The following EGFLAM variants were observed in gnomAD, a reference collection of about 807,000 sequenced individuals.
The protein encoded by EGFLAM is EGF like, fibronectin type III and laminin G domains, also known as pikachurin.
A neutral mutation model predicts 113.1 loss-of-function variants in EGFLAM; 79 were observed. The observed-to-expected ratio is 0.70, with a 90% CI of 0.58 to 0.84. The LOEUF is 0.84. Among genes scored for constraint, EGFLAM ranks in the 40% least tolerant of loss-of-function variants. The probability of loss-of-function intolerance (pLI) is 0.00; values close to 1 mark genes in which losing one functional copy is unlikely to be tolerated. For synonymous variants in EGFLAM, 504 were observed against 487.6 expected, an observed-to-expected ratio of 1.03 and a Z score of -0.44; for missense variants, 1,265 against 1,291.6, an observed-to-expected ratio of 0.98 and a Z score of 0.32.
intron 1 of EGFLAM, among the ~76,000 whole-genome samples, chr5:38,325,911 T>G (rs1036519195): frequency 1.3e-5 from 2 of 151,968 alleles, no homozygotes; most frequent in East Asian, 3.8e-4. Flanking sequence ...ACCTGAAAAT[T>G]AAAATTATAA....
chr5:38,322,084 C>T (rs1738758331), intron 1 of EGFLAM, among the ~76,000 whole-genome samples: 1 of 152,170 alleles, frequency 6.6e-6, no homozygotes, highest in African/African-American at 2.4e-5. Flanking sequence ...CCCTGGTCTG[C>T]CCCAGGCCTC....
intron 5 of EGFLAM, among the ~76,000 whole-genome samples, chr5:38,368,358 C>G (rs1740118846): frequency 6.6e-6 from 1 of 152,204 alleles, no homozygotes; most frequent in Non-Finnish European, 1.5e-5. Context: ...CCTGCTTCCT[C>G]CATGGGCATA....
chr5:38,309,141 G>T (rs997226000), intron 1 of EGFLAM, among the ~76,000 whole-genome samples: 4 of 152,138 alleles, frequency 2.6e-5, no homozygotes, highest in Non-Finnish European at 5.9e-5. Context: ...CTACATTTTT[G>T]TGTTGTCTGT....
At chr5:38,322,411 G>T (rs1195294440) in intron 1 of EGFLAM, among the ~76,000 whole-genome samples, 1 of 152,200 alleles carries the variant, frequency 6.6e-6, no homozygotes, top group Non-Finnish European at 1.5e-5. Context: ...CGCTCATGGG[G>T]AGAGGTGTGG....
intron 1 of EGFLAM, among the ~76,000 whole-genome samples, chr5:38,294,665 A>AG (rs1758411627): frequency 6.6e-6 from 1 of 152,206 alleles, no homozygotes; most frequent in Non-Finnish European, 1.5e-5. Context: ...TGTTAAAAAA[A>AG]AAATTAGAAA....
At chr5:38,413,358 G>A (rs561066423) in intron 11 of EGFLAM, among the ~76,000 whole-genome samples, 33 of 152,064 alleles carry the variant, frequency 2.2e-4, no homozygotes, top group African/African-American at 6.8e-4. Context: ...CAAACACAAA[G>A]CTTGCTTTTA....
chr5:38,462,474 T>A (rs1372511490), intron 20 of EGFLAM: 1 of 168,334 alleles, frequency 5.9e-6, no homozygotes, highest in African/African-American at 2.4e-5. Flanking sequence ...GCTCTTTCTC[T>A]TTGCTGTTGT....
chr5:38,418,289 A>G (rs746372412), intron 12 of EGFLAM, 34 bp downstream of exon 12: 2 of 1,608,730 alleles, frequency 1.2e-6, no homozygotes, highest in East Asian at 4.5e-5. Context: ...GGGTACTCTT[A>G]TGGGACTTAT....
chr5:38,337,734 G>T lies in EGFLAM; in HGVS notation c.207+105G>T, dbSNP rs1037528983. 4.2e-5 allele frequency: 38 copies of T among 906,766 alleles called. No homozygotes were observed. The East Asian group carries it at 9.9e-4, about 24-fold the overall frequency. 56.2% of individuals were successfully genotyped at this position (906,766 alleles called of 1,614,324 possible). On this transcript the variant is annotated intron_variant, in intron 2 of 21. Transcript: ENST00000322350. ...TATCTGTCCTTCCATATCAATAACT[G>T]CCCCATTCTCCCTCCATAAAGCTAG...
intron 1 of EGFLAM, among the ~76,000 whole-genome samples, chr5:38,295,425 T>A (rs1435468760): frequency 6.6e-6 from 1 of 152,208 alleles, no homozygotes; most frequent in Non-Finnish European, 1.5e-5. Context: ...AAAAAGTTTT[T>A]AAAAATATGG....
Position 38,448,111 on chromosome 5 carries a change from G to A in EGFLAM, c.2465-190G>A, listed in dbSNP as rs539425959. On this transcript the variant is annotated intron_variant, in intron 17 of 21. Transcript: ENST00000322350. ...TTCCCCAGGAGGGAAAAATGGGGGA[G>A]AAGCCAACCCCAGGCCATGGGGTTG... is the stretch of plus-strand genomic sequence containing the variant. 6.5e-6 allele frequency: 4 copies of A among 614,378 alleles called. No homozygotes were observed. In the African/African-American group the frequency reaches 7.3e-5, roughly 11 times the overall value. The allele number at this position is 614,378 out of a possible 1,614,324, so 38.1% of individuals were successfully genotyped here. A position where few individuals can be genotyped will look rare whatever the true frequency, so the allele number is the denominator to read the frequency against.
At position 38,463,022 on chromosome 5, in the gene EGFLAM, G is replaced by A. The variant is rs375920608; in HGVS notation, c.2875+11G>A. The A allele has an allele frequency of 2.6e-5, 41 of 1,607,242 alleles. No individual in the cohort carries two copies. Among genetic ancestry groups the A allele is most frequent in the South Asian group, 1.0e-4 (9 of 90,202 alleles). On this transcript the variant is annotated intron_variant, in intron 21 of 21. Transcript: ENST00000322350. ...GAGCTCTGTATGTGGGTAAGTGACC[G>A]ACCCTCGACCAAAGCAAAATTAGGC... is the stretch of plus-strand genomic sequence containing the variant.
At chr5:38,332,447 C>T (rs1463865762) in intron 1 of EGFLAM, among the ~76,000 whole-genome samples, 3 of 152,142 alleles carry the variant, frequency 2.0e-5, no homozygotes, top group Non-Finnish European at 2.9e-5. Flanking sequence ...CACTCTCCCC[C>T]ATCAAGTAGA....
intron 1 of EGFLAM, among the ~76,000 whole-genome samples, chr5:38,285,207 G>A (rs938669053): frequency 6.6e-6 from 1 of 152,278 alleles, no homozygotes; most frequent in Non-Finnish European, 1.5e-5. Context: ...AGCACAAACT[G>A]CAGCCCCAGT....
In EGFLAM at chr5:38,370,338, C is replaced by T. The variant is rs1740171609; in HGVS notation, c.588C>T (p.Ile196=). Residue 196 remains isoleucine (I), a synonymous_variant, in exon 6 of 22, where the codon ATC becomes ATT. Coordinates refer to ENST00000322350, the MANE Select transcript of EGFLAM (RefSeq NM_152403.4). ...DKKWTSIHER[I]QMDSMVIKGL... ...AGTGGACCTCAATCCATGAGCGGAT[C>T]CAGATGGACTCCATGGTTATCAAGG... is the stretch of plus-strand genomic sequence containing the variant. 1 of 1,614,226 alleles carries T rather than the reference C, an allele frequency of 6.2e-7. No individual in the cohort carries two copies. The highest frequency in any genetic ancestry group is 1.7e-5 in the Admixed American group (1 of 60,028).
At chr5:38,285,100 C>T (rs551803958) in intron 1 of EGFLAM, among the ~76,000 whole-genome samples, 3 of 152,178 alleles carry the variant, frequency 2.0e-5, no homozygotes, top group South Asian at 2.1e-4. Flanking sequence ...ATGATATTCA[C>T]GTAGATTTTA....
intron 1 of EGFLAM, among the ~76,000 whole-genome samples, chr5:38,297,360 T>A (rs1758472736): frequency 6.6e-6 from 1 of 152,200 alleles, no homozygotes; most frequent in Admixed American, 6.5e-5. Context: ...GGGATCTTAT[T>A]GTATCCTTAG....
Position 38,438,470 on chromosome 5 carries a change from C to A in EGFLAM, c.2464+15C>A. 6.3e-7 allele frequency: 1 copy of A among 1,582,286 alleles called. No individual in the cohort carries two copies. Among genetic ancestry groups the A allele is most frequent in the Non-Finnish European group, 8.6e-7 (1 of 1,161,770 alleles). ...CTGCCAGAAAGGTACGCTCAGGGGT[C>A]TGAGGCACAGCTCCCTGGAGGGAGT... On this transcript the variant is annotated intron_variant, in intron 17 of 21. Coordinates refer to ENST00000322350, the MANE Select transcript of EGFLAM (RefSeq NM_152403.4).
chr5:38,371,629 C>T (rs1740216043), intron 6 of EGFLAM, among the ~76,000 whole-genome samples: 1 of 152,068 alleles, frequency 6.6e-6, no homozygotes, highest in Non-Finnish European at 1.5e-5. Context: ...CACATACACA[C>T]ACACACACGC....
Sources: allele counts gnomAD v4.1 joint callset (sites outside exome capture counted in the v4.1 genomes callset), GRCh38; gene constraint gnomAD v4.1.1; transcripts MANE v1.5; gene names NCBI Gene and HGNC (gene_info 2026-07-23, HGNC 2026-07-21).